METTL15: variants seen among roughly 807,000 people sequenced by gnomAD.
The protein encoded by METTL15 is 12S rRNA N(4)-cytidine methyltransferase METTL15.
In METTL15, 34 loss-of-function variants were observed where a neutral mutation model predicts 38.3. The ratio of observed to expected loss-of-function variants is 0.89; its 90% CI spans 0.68 to 1.18. The LOEUF (loss-of-function observed/expected upper bound fraction) is 1.18. Ranked by LOEUF, METTL15 falls within the 50% of genes most tolerant of loss-of-function variation. The probability of loss-of-function intolerance (pLI) is 0.00; values close to 1 mark genes in which losing one functional copy is unlikely to be tolerated. For missense variants in METTL15, 438 were observed against 498.4 expected (o/e 0.88, Z 1.15); for synonymous variants, 162 against 170.9 (o/e 0.95, Z 0.41).
chr11:28,480,328 T>C (rs1436067068), intron 6 of METTL15, among the ~76,000 whole-genome samples: 1 of 152,196 alleles, frequency 6.6e-6, no homozygotes, highest in Non-Finnish European at 1.5e-5. Context: ...AATGCAAAAT[T>C]GGAAAGGGAT....
At chr11:28,213,062 C>A (rs907362891) in intron 4 of METTL15, among the ~76,000 whole-genome samples, 1 of 152,060 alleles carries the variant, frequency 6.6e-6, no homozygotes, top group Non-Finnish European at 1.5e-5. Flanking sequence ...AAGGCATAAA[C>A]GACTTTATGG....
In METTL15 at chr11:28,518,736, C is replaced by T. The variant is rs576171897; in HGVS notation, c.*425-7742C>T. 1.3e-4 allele frequency among the ~76,000 whole-genome samples: 20 copies of T among 152,236 alleles called. No homozygotes were observed. In the South Asian group the frequency reaches 1.9e-3, roughly 14 times the overall value. ...CAATTTGAAAACTGAATTAGAAATC[C>T]TAAGTTAGAGGCAACCTTTGGCTTA... is the stretch of plus-strand genomic sequence containing the variant. On this transcript the variant is annotated intron_variant and NMD_transcript_variant, in intron 6 of 7. Transcript: ENST00000532947.
At chr11:28,308,053 T>G (rs182131355) in intron 6 of METTL15, among the ~76,000 whole-genome samples, 182 of 152,180 alleles carry the variant, frequency 1.2e-3, no homozygotes, top group African/African-American at 4.3e-3. Context: ...TGATGCTTAG[T>G]TGGGTGTAGA....
intron 5 of METTL15, among the ~76,000 whole-genome samples, chr11:28,373,968 A>G (rs1333929956): frequency 6.6e-6 from 1 of 152,064 alleles, no homozygotes; most frequent in Non-Finnish European, 1.5e-5. Flanking sequence ...CAAAGATCAG[A>G]TAGTTGTAGT....
Position 28,421,100 on chromosome 11 carries a change from G to A in METTL15, c.*359-3199G>A, listed in dbSNP as rs534796872. 2.3e-4 allele frequency among the ~76,000 whole-genome samples: 35 copies of A among 151,836 alleles called. No homozygotes were observed. In the South Asian group the frequency reaches 2.9e-3, roughly 13 times the overall value. ...TGAGCAACTATATGTGAATAAATTG[G>A]GAAACCTAGAAGAAATGAATAAAAT... On this transcript the variant is annotated intron_variant and NMD_transcript_variant, in intron 5 of 7. Transcript: ENST00000532947.
Position 28,454,607 on chromosome 11 carries a change from G to A in METTL15, c.*424+30243G>A, listed in dbSNP as rs556358312. On this transcript the variant is annotated intron_variant and NMD_transcript_variant, in intron 6 of 7. Coordinates refer to the METTL15 transcript ENST00000532947. ...GCCACTAATGAGAGTCCAGGTTTCC[G>A]TCTACTCATCAAACCAATACTTAGA... 4.9e-4 allele frequency among the ~76,000 whole-genome samples: 75 copies of A among 152,268 alleles called. No individual in the cohort carries two copies. The South Asian group carries it at 0.011, about 22-fold the overall frequency.
chr11:28,297,826 A>T (rs192731343), intron 6 of METTL15, among the ~76,000 whole-genome samples: 10 of 152,178 alleles, frequency 6.6e-5, no homozygotes, highest in African/African-American at 2.2e-4. Context: ...AGAAGTTTTT[A>T]AAAAAGGAAT....
intron 3 of METTL15, among the ~76,000 whole-genome samples, chr11:28,120,129 T>A (rs1852156426): frequency 1.3e-5 from 2 of 152,000 alleles, no homozygotes; most frequent in Non-Finnish European, 2.9e-5. Flanking sequence ...TTTTTTTGTA[T>A]TTTTAGTAGA....
intron 3 of METTL15, among the ~76,000 whole-genome samples, chr11:28,189,468 A>G (rs1445318030): frequency 6.6e-6 from 1 of 151,322 alleles, no homozygotes; most frequent in East Asian, 1.9e-4. Context: ...TAGCTAAAGC[A>G]CTAATTGGAA....
chr11:28,296,043 C>G (rs1440543176), intron 5 of METTL15, among the ~76,000 whole-genome samples: 1 of 152,032 alleles, frequency 6.6e-6, no homozygotes, highest in African/African-American at 2.4e-5. Context: ...ATAATTTATT[C>G]TATTTGACCA....
At chr11:28,381,943 T>G (rs1359743001) in intron 5 of METTL15, among the ~76,000 whole-genome samples, 1 of 152,142 alleles carries the variant, frequency 6.6e-6, no homozygotes, top group Non-Finnish European at 1.5e-5. Flanking sequence ...GATGTACATT[T>G]ATGTCTGCAT....
intron 6 of METTL15, chr11:28,327,838 T>C (rs1446152838): frequency 2.1e-5 from 7 of 329,752 alleles, no homozygotes; most frequent in Admixed American, 5.1e-5. Flanking sequence ...ACACATTTAC[T>C]GAAAATAGTA....
At chr11:28,508,997 G>T (rs144900546) in intron 6 of METTL15, among the ~76,000 whole-genome samples, 1 of 152,276 alleles carries the variant, frequency 6.6e-6, no homozygotes, top group Non-Finnish European at 1.5e-5. Flanking sequence ...CATGTTTCTA[G>T]ACCATGATAT....
At chr11:28,356,039 C>T (rs1004965548) in intron 4 of METTL15, among the ~76,000 whole-genome samples, 1 of 152,142 alleles carries the variant, frequency 6.6e-6, no homozygotes, top group Non-Finnish European at 1.5e-5. Context: ...TTTTTTGTTC[C>T]TAACCACTAG....
At chr11:28,454,903 G>T (rs1217363360) in intron 6 of METTL15, among the ~76,000 whole-genome samples, 1 of 152,172 alleles carries the variant, frequency 6.6e-6, no homozygotes, top group Non-Finnish European at 1.5e-5. Context: ...ATGGGGAGGG[G>T]CTTGGAGTGG....
chr11:28,474,127 T>G (rs1327729298), intron 6 of METTL15, among the ~76,000 whole-genome samples: 2 of 151,998 alleles, frequency 1.3e-5, no homozygotes, highest in Non-Finnish European at 2.9e-5. Flanking sequence ...TACTTATAGA[T>G]GTATAAGTAT....
At chr11:28,465,205 G>GAAATACACTC (rs1851247063) in intron 6 of METTL15, among the ~76,000 whole-genome samples, 1 of 152,024 alleles carries the variant, frequency 6.6e-6, no homozygotes, top group Non-Finnish European at 1.5e-5. Flanking sequence ...ACTTCCCTCT[G>GAAATACACTC]AAATACACTC....
At chr11:28,337,004 T>G (rs770030396), downstream of METTL15, among the ~76,000 whole-genome samples, 1 of 152,148 alleles carries the variant, frequency 6.6e-6, no homozygotes, top group Non-Finnish European at 1.5e-5. Flanking sequence ...ATAGTAATAT[T>G]GATCATCCTG....
chr11:28,405,603 C>G (rs1418454048), intron 5 of METTL15, among the ~76,000 whole-genome samples: 1 of 152,102 alleles, frequency 6.6e-6, no homozygotes, highest in East Asian at 1.9e-4. Flanking sequence ...ACATTACGGG[C>G]TCTGGGAAGA....
Sources: allele counts gnomAD v4.1 joint callset (sites outside exome capture counted in the v4.1 genomes callset), GRCh38; gene constraint gnomAD v4.1.1; transcripts MANE v1.5; gene names NCBI Gene and HGNC (gene_info 2026-07-23, HGNC 2026-07-21).